ANKS1B: variants seen among roughly 807,000 people sequenced by gnomAD.
ANKS1B encodes the protein ankyrin repeat and sterile alpha motif domain-containing protein 1B.
Under a neutral mutation model 148.3 loss-of-function variants are expected in ANKS1B, and 36 were observed. The ratio of observed to expected loss-of-function variants is 0.24; its 90% CI spans 0.19 to 0.32. The LOEUF (loss-of-function observed/expected upper bound fraction) is 0.32, where lower values mean the gene tolerates loss of function less well. Among genes scored for constraint, ANKS1B ranks in the 10% least tolerant of loss-of-function variants. ANKS1B has a pLI of 1.00. For missense variants in ANKS1B, 1,157 were observed against 1,542.6 expected (o/e 0.75, Z 4.19); for synonymous variants, 542 against 560.8 (o/e 0.97, Z 0.47).
Position 99,714,649 on chromosome 12 carries a change from C to A in ANKS1B, c.1128+58273G>T, listed in dbSNP as rs146595320. Among the ~76,000 whole-genome samples, 588 of 152,240 alleles carry A rather than the reference C, an allele frequency of 3.9e-3. 9 individuals carry two copies. The highest frequency in any genetic ancestry group is 0.013 in the African/African-American group (560 of 41,544). The stretch of plus-strand genomic sequence containing the variant: ...TATCACATAGAATGGTGAATTTAAT[C>A]AATAAATGTTGTATGTGTTCTGACT... On this transcript the variant is annotated intron_variant, in intron 8 of 26. Coordinates refer to ENST00000683438, the MANE Select transcript of ANKS1B (RefSeq NM_001352186.2).
chr12:99,188,503 C>A (rs1411047658), intron 14 of ANKS1B, among the ~76,000 whole-genome samples: 1 of 152,176 alleles, frequency 6.6e-6, no homozygotes, highest in Non-Finnish European at 1.5e-5. Context: ...GTCTCTCAGA[C>A]CACAGTGCAA....
intron 15 of ANKS1B, among the ~76,000 whole-genome samples, chr12:99,089,730 G>T (rs2053406552): frequency 6.6e-6 from 1 of 152,148 alleles, no homozygotes; most frequent in African/African-American, 2.4e-5. Flanking sequence ...GTCACCAAAA[G>T]AAATTAGAAG....
chr12:99,325,702 T>C (rs1053056273), intron 12 of ANKS1B, among the ~76,000 whole-genome samples: 6 of 152,274 alleles, frequency 3.9e-5, no homozygotes, highest in Admixed American at 3.9e-4. Flanking sequence ...ATCAAGATTC[T>C]GAAGCATTTC....
At chr12:99,267,919 T>C (rs1483436571) in intron 12 of ANKS1B, among the ~76,000 whole-genome samples, 1 of 152,158 alleles carries the variant, frequency 6.6e-6, no homozygotes, top group Non-Finnish European at 1.5e-5. Context: ...GTATGATTGC[T>C]GAAAGAAGAC....
At chr12:99,197,014 T>G (rs1030377659) in intron 14 of ANKS1B, among the ~76,000 whole-genome samples, 1 of 152,074 alleles carries the variant, frequency 6.6e-6, no homozygotes, top group Non-Finnish European at 1.5e-5. Flanking sequence ...ATATCCTCTC[T>G]CCCATTCTCT....
At chr12:98,894,615 T>G (rs1172709187) in intron 17 of ANKS1B, 1 of 984,468 alleles carries the variant, frequency 1.0e-6, no homozygotes, top group African/African-American at 1.8e-5. Flanking sequence ...AGGGGGCCGC[T>G]GTGCCGCTAC....
intron 1 of ANKS1B, among the ~76,000 whole-genome samples, chr12:99,959,893 T>A (rs563490550): frequency 4.0e-4 from 61 of 152,306 alleles, no homozygotes; most frequent in South Asian, 1.7e-3. Context: ...AATAACATCA[T>A]GCATCCCTCT....
chr12:98,817,440 G>A (rs1439858280), intron 19 of ANKS1B, among the ~76,000 whole-genome samples: 1 of 152,230 alleles, frequency 6.6e-6, no homozygotes, highest in Non-Finnish European at 1.5e-5. Context: ...GGCATTAACT[G>A]AACCCTGCCT....
chr12:98,807,344 C>T (rs946087102), intron 20 of ANKS1B, among the ~76,000 whole-genome samples: 1 of 152,038 alleles, frequency 6.6e-6, no homozygotes, highest in Non-Finnish European at 1.5e-5. Flanking sequence ...AGCTCACCTC[C>T]CCCCACATTT....
chr12:99,731,040 G>A (rs757316688), intron 8 of ANKS1B, among the ~76,000 whole-genome samples: 6 of 152,152 alleles, frequency 3.9e-5, no homozygotes, highest in Non-Finnish European at 8.8e-5. Context: ...AGGCTCAAGT[G>A]ATTCTCCTGC....
intron 17 of ANKS1B, among the ~76,000 whole-genome samples, chr12:98,943,676 C>A (rs2099840603): frequency 6.6e-6 from 1 of 152,196 alleles, no homozygotes. Flanking sequence ...TGTGATTAAG[C>A]CCAGCAAAAT....
At chr12:99,053,826 A>C (rs947038019) in intron 16 of ANKS1B, among the ~76,000 whole-genome samples, 1 of 152,220 alleles carries the variant, frequency 6.6e-6, no homozygotes, top group Non-Finnish European at 1.5e-5. Context: ...GCTGCGGTGA[A>C]CCAGTAAAGG....
At chr12:98,794,680 G>A in intron 22 of ANKS1B, 1 of 923,900 alleles carries the variant, frequency 1.1e-6, no homozygotes, top group South Asian at 1.3e-5. Context: ...AGCTTACAGT[G>A]GATAATTCAT....
intron 12 of ANKS1B, among the ~76,000 whole-genome samples, chr12:99,365,422 A>G (rs1356240214): frequency 6.6e-6 from 1 of 152,216 alleles, no homozygotes; most frequent in African/African-American, 2.4e-5. Flanking sequence ...TCCACTAGCC[A>G]GGCTGCTCTC....
intron 17 of ANKS1B, among the ~76,000 whole-genome samples, chr12:99,001,031 C>T (rs1437953878): frequency 3.9e-5 from 6 of 151,940 alleles, no homozygotes; most frequent in Admixed American, 3.9e-4. Context: ...TTTACGTATT[C>T]ATCCATTGAT....
chr12:98,919,125 T>A lies in ANKS1B; in HGVS notation c.2779-86989A>T, dbSNP rs80223480. On this transcript the variant is annotated intron_variant, in intron 17 of 26. Transcript: ENST00000683438. ...AAAAAATCTTTTTCTGTTTTCTAGATCAGGAAAATACTTGGCTCTGTTTCT... is the reference window on the plus strand; with the variant it reads ...AAAAAATCTTTTTCTGTTTTCTAGAACAGGAAAATACTTGGCTCTGTTTCT... Among the ~76,000 whole-genome samples, 569 of 152,350 alleles carry A rather than the reference T, an allele frequency of 3.7e-3. 1 individual carries two copies. The Middle Eastern group carries it at 0.037, about 10-fold the overall frequency.
chr12:99,633,583 C>G lies in ANKS1B; in HGVS notation c.1272+21484G>C, dbSNP rs545055419. 7.2e-5 allele frequency among the ~76,000 whole-genome samples: 11 copies of G among 152,228 alleles called. No homozygotes were observed. In the East Asian group the frequency reaches 2.1e-3, roughly 29 times the overall value. ...TTCAGGACATAGGCATGGGCAAGGA[C>G]TTCATGTCTAAAACACCAAAAGCAA... On this transcript the variant is annotated intron_variant, in intron 9 of 26. Coordinates refer to ENST00000683438, the MANE Select transcript of ANKS1B (RefSeq NM_001352186.2).
chr12:99,342,211 G>T (rs542397495), intron 12 of ANKS1B, among the ~76,000 whole-genome samples: 1 of 152,110 alleles, frequency 6.6e-6, no homozygotes, highest in Non-Finnish European at 1.5e-5. Context: ...AAATAAGAGA[G>T]CATTTAAATG....
intron 17 of ANKS1B, among the ~76,000 whole-genome samples, chr12:98,850,528 C>G (rs1054123125): frequency 8.2e-6 from 1 of 122,526 alleles, no homozygotes; most frequent in African/African-American, 3.2e-5. Flanking sequence ...AGTGCAGTGG[C>G]GTGATCTCGG....
Sources: gnomAD v4.1 joint callset for allele counts (sites outside exome capture counted in the v4.1 genomes callset) on GRCh38, gnomAD v4.1.1 for gene constraint, MANE v1.5 for transcripts, NCBI Gene and HGNC (gene_info 2026-07-23, HGNC 2026-07-21) for gene names.